The following ESRRB variants were observed in gnomAD, a reference collection of about 807,000 sequenced individuals.
The protein encoded by ESRRB is steroid hormone receptor ERR2.
Under a neutral mutation model 46.0 loss-of-function variants are expected in ESRRB, and 16 were observed. The observed-to-expected ratio is 0.35, with a 90% CI of 0.24 to 0.53. The LOEUF is 0.53. Among genes scored for constraint, ESRRB ranks in the 20% least tolerant of loss-of-function variants. The probability of loss-of-function intolerance (pLI) is 0.93; values close to 1 mark genes in which losing one functional copy is unlikely to be tolerated. For missense variants in ESRRB, 488 were observed against 607.4 expected, an observed-to-expected ratio of 0.80 and a Z score of 2.07; for synonymous variants, 246 against 259.6, an observed-to-expected ratio of 0.95 and a Z score of 0.50.
At chr14:76,396,629 C>T (rs960127559) in intron 1 of ESRRB, among the ~76,000 whole-genome samples, 1 of 152,244 alleles carries the variant, frequency 6.6e-6, no homozygotes, top group Non-Finnish European at 1.5e-5. Context: ...TCTGGACACA[C>T]AGTCCTCTAG....
chr14:76,436,056 G>T (rs764986293), intron 1 of ESRRB, among the ~76,000 whole-genome samples: 10 of 152,182 alleles, frequency 6.6e-5, no homozygotes, highest in Non-Finnish European at 1.5e-4. Context: ...TTCCCTCTCA[G>T]CCCTGAGGGT....
intron 1 of ESRRB, among the ~76,000 whole-genome samples, chr14:76,315,900 G>C (rs60677076): frequency 0.022 from 3,390 of 152,260 alleles, 144 homozygotes; most frequent in African/African-American, 0.078. Flanking sequence ...CTCAGTCAGA[G>C]GAAGCTGTGA....
At chr14:76,466,235 C>G (rs1185495832) in intron 3 of ESRRB, among the ~76,000 whole-genome samples, 1 of 152,188 alleles carries the variant, frequency 6.6e-6, no homozygotes, top group Non-Finnish European at 1.5e-5. Flanking sequence ...ATGTGGGTGC[C>G]TCCGCCCTCT....
chr14:76,462,225 G>C (rs1238604909), intron 2 of ESRRB, among the ~76,000 whole-genome samples: 2 of 152,122 alleles, frequency 1.3e-5, no homozygotes, highest in East Asian at 1.9e-4. Context: ...CAGCATAGGG[G>C]GCGTTCTCCT....
rs150170744 is a variant in ESRRB, at chr14:76,429,557, C to A, written c.51-9784C>A. Reference sequence around the variant, plus strand: ...CCTGAGGTTGGGAGTTCCAGACCAGCCTGACCAACATGGAGAAACCCCGTC... The same window carrying A: ...CCTGAGGTTGGGAGTTCCAGACCAGACTGACCAACATGGAGAAACCCCGTC... On this transcript the variant is annotated intron_variant, in intron 1 of 6. Coordinates refer to ENST00000644823, the MANE Select transcript of ESRRB (RefSeq NM_001379180.1). 3.1e-3 allele frequency among the ~76,000 whole-genome samples: 471 copies of A among 152,110 alleles called. 2 individuals carry two copies. The highest frequency in any genetic ancestry group is 0.011 in the African/African-American group (437 of 41,500).
At chr14:76,327,593 C>T (rs1883950579) in intron 1 of ESRRB, among the ~76,000 whole-genome samples, 1 of 152,158 alleles carries the variant, frequency 6.6e-6, no homozygotes, top group African/African-American at 2.4e-5. Context: ...ATAATTCCCC[C>T]AGAGGAGAAA....
At chr14:76,427,682 A>G (rs1887262706) in intron 1 of ESRRB, among the ~76,000 whole-genome samples, 1 of 152,204 alleles carries the variant, frequency 6.6e-6, no homozygotes, top group Non-Finnish European at 1.5e-5. Flanking sequence ...AGGGATGCTA[A>G]AAACAACTCT....
At chr14:76,353,005 C>T (rs1387349006) in intron 1 of ESRRB, among the ~76,000 whole-genome samples, 1 of 152,222 alleles carries the variant, frequency 6.6e-6, no homozygotes, top group Non-Finnish European at 1.5e-5. Flanking sequence ...CGCAGGGTCG[C>T]CGGGTAGGCA....
At chr14:76,443,810 G>T (rs957828880) in intron 2 of ESRRB, among the ~76,000 whole-genome samples, 2 of 152,166 alleles carry the variant, frequency 1.3e-5, no homozygotes. Flanking sequence ...TGAAAGATTC[G>T]TAAATAGTCT....
chr14:76,463,957 C>T lies in ESRRB; in HGVS notation c.577+1296C>T, dbSNP rs533040067. ...GGCTCAGGCAGTCCTCCCACCTCAGCCTCCTAAAGTGCTGGGATTACAGGC... is the reference window on the plus strand; with the variant it reads ...GGCTCAGGCAGTCCTCCCACCTCAGTCTCCTAAAGTGCTGGGATTACAGGC... On this transcript the variant is annotated intron_variant, in intron 3 of 6. Transcript: ENST00000644823. 7.7e-4 allele frequency among the ~76,000 whole-genome samples: 118 copies of T among 152,272 alleles called. 1 individual carries two copies. Among genetic ancestry groups the T allele is most frequent in the African/African-American group, 2.8e-3 (115 of 41,552 alleles).
At chr14:76,388,842 A>G (rs920611766) in intron 1 of ESRRB, among the ~76,000 whole-genome samples, 1 of 151,854 alleles carries the variant, frequency 6.6e-6, no homozygotes, top group African/African-American at 2.4e-5. Flanking sequence ...CTCAGCTTGC[A>G]TTTTCTCCTG....
intron 1 of ESRRB, among the ~76,000 whole-genome samples, chr14:76,337,130 TGAG>T (rs1884136036): frequency 6.6e-6 from 1 of 151,916 alleles, no homozygotes; most frequent in African/African-American, 2.4e-5. Flanking sequence ...GTGGCGTGGA[TGAG>T]GAGAAGCATA....
At chr14:76,483,037 A>G (rs541984910) in intron 5 of ESRRB, among the ~76,000 whole-genome samples, 1 of 152,346 alleles carries the variant, frequency 6.6e-6, no homozygotes, top group Non-Finnish European at 1.5e-5. Context: ...TCAGTGTAAT[A>G]TTCAAAGAAC....
chr14:76,443,799 A>T (rs947141889), intron 2 of ESRRB, among the ~76,000 whole-genome samples: 4 of 152,212 alleles, frequency 2.6e-5, no homozygotes, highest in African/African-American at 9.6e-5. Context: ...AGGAGTCCAC[A>T]TGAAAGATTC....
chr14:76,481,243 G>C (rs1057078077), intron 3 of ESRRB, among the ~76,000 whole-genome samples: 6 of 152,220 alleles, frequency 3.9e-5, no homozygotes, highest in Non-Finnish European at 8.8e-5. Flanking sequence ...TGCTGGTGGG[G>C]GGCATGAAAT....
chr14:76,454,104 T>C (rs1267523678), intron 2 of ESRRB, among the ~76,000 whole-genome samples: 1 of 152,058 alleles, frequency 6.6e-6, no homozygotes, highest in Non-Finnish European at 1.5e-5. Context: ...TCTAACAAAA[T>C]AGCCTGTTTT....
rs1026703358 is a variant in ESRRB at position 76,315,427 on chromosome 14, C to T, written c.2+4511C>T. Among the ~76,000 whole-genome samples the T allele has an allele frequency of 8.5e-5, 13 of 152,272 alleles. No homozygotes were observed. In the South Asian group the frequency reaches 2.5e-3, roughly 29 times the overall value. The stretch of plus-strand genomic sequence containing the variant: ...CAGTAGAGAGCTGCAGTTAAGCATG[C>T]GCCTTCCAAGTCAGACAGCCAGGGT... On this transcript the variant is annotated intron_variant, in intron 1 of 6. Transcript: ENST00000512784.
intron 1 of ESRRB, among the ~76,000 whole-genome samples, chr14:76,345,808 G>A (rs1159969687): frequency 2.0e-5 from 3 of 152,214 alleles, no homozygotes; most frequent in Non-Finnish European, 4.4e-5. Flanking sequence ...ATAAAGCCAA[G>A]ACTTGAATTC....
At chr14:76,358,835 C>G (rs1192993327) in intron 1 of ESRRB, among the ~76,000 whole-genome samples, 1 of 152,194 alleles carries the variant, frequency 6.6e-6, no homozygotes, top group Non-Finnish European at 1.5e-5. Flanking sequence ...GAGCTTAAAA[C>G]ATGTAGAATC....
Sources: gnomAD v4.1 joint callset for allele counts (sites outside exome capture counted in the v4.1 genomes callset) on GRCh38, gnomAD v4.1.1 for gene constraint, MANE v1.5 for transcripts, NCBI Gene and HGNC (gene_info 2026-07-23, HGNC 2026-07-21) for gene names.